The following POLR1C variants were observed in gnomAD, a reference collection of about 807,000 sequenced individuals.
POLR1C encodes the protein RNA polymerase I and III subunit C, also known as DNA-directed RNA polymerases I and III subunit RPAC1.
Under a neutral mutation model 38.3 loss-of-function variants are expected in POLR1C, and 42 were observed. The observed-to-expected ratio is 1.10, with a 90% CI of 0.86 to 1.42. POLR1C has a LOEUF of 1.42. Ranked by LOEUF, POLR1C falls within the 40% of genes most tolerant of loss-of-function variation. The pLI, the probability that POLR1C is intolerant of heterozygous loss-of-function variation, is 0.00. For missense variants in POLR1C, 507 were observed against 450.5 expected, an observed-to-expected ratio of 1.13 and a Z score of -1.14; for synonymous variants, 163 against 163.9, an observed-to-expected ratio of 0.99 and a Z score of 0.04.
chr6:43,556,494 T>C (rs1413750045), intron 10 of POLR1C, among the ~76,000 whole-genome samples: 1 of 148,504 alleles, frequency 6.7e-6, no homozygotes, highest in East Asian at 2.0e-4. Flanking sequence ...GCACCACTCT[T>C]GCCTGGACAA....
chr6:43,521,043 AT>A lies in POLR1C; in HGVS notation c.918del (p.Tyr306Ter). 6.2e-7 allele frequency: 1 copy of A among 1,612,926 alleles called. No individual in the cohort carries two copies. The highest frequency in any genetic ancestry group is 8.5e-7 in the Non-Finnish European group (1 of 1,178,868). On this transcript the variant is annotated frameshift_variant, in exon 8 of 9. Transcript: ENST00000642195. LOFTEE classifies it high-confidence loss of function. ...AGGCTTGCCCGGGTTCGAGATCATTATATCTGTGAGTATGAAGTGGTGAGAT... is the reference window on the plus strand; with the variant it reads ...AGGCTTGCCCGGGTTCGAGATCATTAATCTGTGAGTATGAAGTGGTGAGAT... The part of the protein sequence containing the change: ...VVRLARVRDH[Y>X]IFSVESTGVL...
At chr6:43,522,751 G>A (rs774411717), downstream of POLR1C, 2 of 492,964 alleles carry the variant, frequency 4.1e-6, no homozygotes, top group Admixed American at 2.0e-5. Flanking sequence ...GTCTGTTTTT[G>A]TGCAGAGCAC....
Position 43,520,414 on chromosome 6 carries a change from T to C in POLR1C, c.642T>C (p.Cys214=). 1.2e-6 allele frequency: 2 copies of C among 1,613,602 alleles called. No homozygotes were observed. The highest frequency in any genetic ancestry group is 1.7e-6 in the Non-Finnish European group (2 of 1,180,018). The change falls in exon 6 of 9, where the codon TGT becomes TGC. Residue 214 remains cysteine, a synonymous_variant. Transcript: ENST00000642195. ...AAGAAATTGACCTGCTCATGCACTGTGTCAAGGGCATTGGTGAGAACCCTG... is the reference window on the plus strand; with the variant it reads ...AAGAAATTGACCTGCTCATGCACTGCGTCAAGGGCATTGGTGAGAACCCTG... ...PGQEIDLLMH[C]VKGIGKDHAK...
At chr6:43,523,213 A>G (rs548836265), downstream of POLR1C, 3 of 173,440 alleles carry the variant, frequency 1.7e-5, no homozygotes, top group East Asian at 4.5e-4. Context: ...AAGACTTCCC[A>G]GCCCTGGTCC....
At chr6:43,531,820 A>G (rs1489737556), downstream of POLR1C, among the ~76,000 whole-genome samples, 1 of 152,042 alleles carries the variant, frequency 6.6e-6, no homozygotes, top group Non-Finnish European at 1.5e-5. Flanking sequence ...CCCAGATGGA[A>G]CCTGTACCAA....
chr6:43,526,606 A>T, intron 8 of POLR1C: 1 of 1,538,132 alleles, frequency 6.5e-7, no homozygotes, highest in South Asian at 1.2e-5. Context: ...ACCAGACTGC[A>T]AGGAAACTGA....
chr6:43,530,552 G>T, downstream of POLR1C: 1 of 1,035,164 alleles, frequency 9.7e-7, no homozygotes, highest in Non-Finnish European at 1.3e-6. Flanking sequence ...TGTTTTTAAT[G>T]ACATGATACA....
At chr6:43,554,631 C>G (rs1198051691) in intron 10 of POLR1C, among the ~76,000 whole-genome samples, 1 of 152,024 alleles carries the variant, frequency 6.6e-6, no homozygotes, top group Non-Finnish European at 1.5e-5. Flanking sequence ...GCCATGTTGG[C>G]CAGGCTGGTC....
In POLR1C at chr6:43,562,349, G is replaced by A. The variant is rs764481153; in HGVS notation, c.*998G>A. 1.9e-6 allele frequency: 3 copies of A among 1,600,024 alleles called. No homozygotes were observed. In the South Asian group the frequency reaches 3.4e-5, roughly 18 times the overall value. Reference sequence around the variant, plus strand: ...CCAAACCTCCTCCATCAGCAGTCCTGTAAGATGAGAATTCCTTATATCACC... The same window carrying A: ...CCAAACCTCCTCCATCAGCAGTCCTATAAGATGAGAATTCCTTATATCACC... On this transcript the variant is annotated 3_prime_UTR_variant, in exon 11 of 11. Coordinates refer to the POLR1C transcript ENST00000607635.
chr6:43,539,055 C>A, intron 9 of POLR1C: 1 of 1,527,336 alleles, frequency 6.5e-7, no homozygotes. Flanking sequence ...TCGATACCAG[C>A]CATCATGAGC....
Position 43,558,825 on chromosome 6 carries a change from C to T in POLR1C, c.*49-2575C>T, listed in dbSNP as rs1164197268. The T allele has an allele frequency of 4.7e-5, 19 of 405,698 alleles. No individual in the cohort carries two copies. In the East Asian group the frequency reaches 7.8e-4, roughly 17 times the overall value. The allele number at this position is 405,698 out of a possible 1,614,324, so 25.1% of individuals were successfully genotyped here. On this transcript the variant is annotated intron_variant, in intron 10 of 10. Transcript: ENST00000607635. The stretch of plus-strand genomic sequence containing the variant: ...TTAGTTGATACCATCCTCCAAGTTC[C>T]TCAGGGAGAATTAAATTCTTGAATT...
downstream of POLR1C, chr6:43,525,302 T>G: frequency 7.7e-7 from 1 of 1,291,744 alleles, no homozygotes; most frequent in Admixed American, 2.4e-5. Flanking sequence ...GGAGGGTTTT[T>G]TTTTTTTCCT....
intron 9 of POLR1C, among the ~76,000 whole-genome samples, chr6:43,537,581 CAT>C (rs1036257082): frequency 2.0e-5 from 3 of 152,154 alleles, no homozygotes; most frequent in African/African-American, 7.2e-5. Context: ...TACTTACAAA[CAT>C]GTGGAGACTT....
At chr6:43,519,264 A>AGGG in intron 2 of POLR1C, 69 bp from the exon 3 acceptor site, 1 of 919,838 alleles carries the variant, frequency 1.1e-6, no homozygotes, top group Non-Finnish European at 1.8e-6. Flanking sequence ...GAATTATCTA[A>AGGG]GGGGGAGGTA....
chr6:43,524,717 G>T (rs760554876), downstream of POLR1C: 3 of 1,587,416 alleles, frequency 1.9e-6, no homozygotes, highest in Non-Finnish European at 2.6e-6. Flanking sequence ...CCATTTCTCA[G>T]AGATTGCACC....
At chr6:43,534,667 T>C (rs1462465683) in intron 9 of POLR1C, among the ~76,000 whole-genome samples, 1 of 152,094 alleles carries the variant, frequency 6.6e-6, no homozygotes, top group Non-Finnish European at 1.5e-5. Flanking sequence ...TTTTAGACCA[T>C]GTTTAAACCT....
chr6:43,520,453 G>T, intron 6 of POLR1C, 26 bp downstream of exon 6: 2 of 1,612,862 alleles, frequency 1.2e-6, no homozygotes, highest in South Asian at 1.1e-5. Context: ...GCCTTCCTGG[G>T]AAGGGGGATA....
downstream of POLR1C, among the ~76,000 whole-genome samples, chr6:43,532,726 G>A (rs1315879814): frequency 6.6e-6 from 1 of 152,116 alleles, no homozygotes; most frequent in Non-Finnish European, 1.5e-5. Context: ...ACTGGGTTAG[G>A]TCTCCCGATA....
In POLR1C at chr6:43,517,366, C is replaced by T. The variant is rs186395114; in HGVS notation, c.130C>T (p.Arg44Cys). ...SGYDDAWDQD[R>C]FEKNFRVDVV... The stretch of plus-strand genomic sequence containing the variant: ...TTATGATGATGCCTGGGACCAGGAC[C>T]GCTTCGAGAAGGTAAGTGGGGCCGG... Residue 44 changes from arginine (R) to cysteine (C), a missense_variant, in exon 2 of 9, where the codon CGC (arginine) becomes TGC (cysteine). Physicochemically the swap from Arg to Cys is radical, Grantham distance 180. Transcript: ENST00000642195. 2.5e-6 allele frequency: 4 copies of T among 1,613,662 alleles called. No individual in the cohort carries two copies. Among genetic ancestry groups the T allele is most frequent in the African/African-American group, 1.3e-5 (1 of 74,794 alleles).
Sources: gnomAD v4.1 joint callset for allele counts (sites outside exome capture counted in the v4.1 genomes callset) on GRCh38, gnomAD v4.1.1 for gene constraint, MANE v1.5 for transcripts, NCBI Gene and HGNC (gene_info 2026-07-23, HGNC 2026-07-21) for gene names.